Variants in DIP2A observed in about 807,000 individuals in gnomAD.
DIP2A encodes the protein DIP2 acetate--CoA ligase A, also known as disco-interacting protein 2 homolog A.
In DIP2A, 85 loss-of-function variants were observed where a neutral mutation model predicts 177.4. That is an observed-to-expected ratio of 0.48 (90% CI 0.40 to 0.57). The LOEUF is 0.57. Ranked by LOEUF, DIP2A falls within the 20% of genes least tolerant of loss-of-function variation. The probability of loss-of-function intolerance (pLI) is 0.00; values close to 1 mark genes in which losing one functional copy is unlikely to be tolerated. For synonymous variants in DIP2A, 886 were observed against 881.8 expected (o/e 1.00, Z -0.08); for missense variants, 1,791 against 2,100.2 (o/e 0.85, Z 2.88).
rs1297774140 is a variant in DIP2A at position 46,459,089 on chromosome 21, C to T, written c.-43C>T. The T allele has an allele frequency of 2.1e-6, 3 of 1,407,242 alleles. No individual in the cohort carries two copies. The South Asian group carries it at 4.5e-5, about 21-fold the overall frequency. 87.2% of individuals were successfully genotyped at this position (1,407,242 alleles called of 1,614,324 possible). A position where few individuals can be genotyped will look rare whatever the true frequency, so the allele number is the denominator to read the frequency against. On this transcript the variant is annotated 5_prime_UTR_variant, in exon 1 of 38. Transcript: ENST00000417564. Reference sequence around the variant, plus strand: ...AGGTTTGCGCTGCCGCCGCCAGGCCCGGTCCGGTTCCAGCCTCTGCCCGGA... The same window carrying T: ...AGGTTTGCGCTGCCGCCGCCAGGCCTGGTCCGGTTCCAGCCTCTGCCCGGA...
intron 35 of DIP2A, among the ~76,000 whole-genome samples, 168 bp from the exon 36 acceptor site, chr21:46,565,545 G>C (rs1047341538): frequency 2.0e-5 from 3 of 152,220 alleles, no homozygotes; most frequent in African/African-American, 7.2e-5. Context: ...TTTGCTTTCT[G>C]TGCCTGTAAT....
Position 46,554,706 on chromosome 21 carries a change from C to T in DIP2A, c.3276+10C>T, listed in dbSNP as rs1326965471. The stretch of plus-strand genomic sequence containing the variant: ...CAAGATGATCGTGGAGGTGCGCCTA[C>T]CTGGCCCGCGGGTCAGAGTCTGTGA... On this transcript the variant is annotated intron_variant, in intron 27 of 37. Transcript: ENST00000417564. 14 of 1,560,220 alleles carry T rather than the reference C, an allele frequency of 9.0e-6. No homozygotes were observed. The highest frequency in any genetic ancestry group is 1.2e-5 in the Non-Finnish European group (14 of 1,153,144).
At position 46,498,176 on chromosome 21, in the gene DIP2A, A is replaced by G. The variant is rs2057457668; in HGVS notation, c.404-406A>G. ...CTGCCTCCAAGATGTAGGGCCGGGCACAGGCTCTCCCCTGGGTGATGCTGA... is the reference window on the plus strand; with the variant it reads ...CTGCCTCCAAGATGTAGGGCCGGGCGCAGGCTCTCCCCTGGGTGATGCTGA... On this transcript the variant is annotated intron_variant, in intron 4 of 37. Coordinates refer to ENST00000417564, the MANE Select transcript of DIP2A (RefSeq NM_015151.4). The surrounding 1 kb of genome is among the most constrained non-coding windows in gnomAD (Gnocchi z 4.3). Among the ~76,000 whole-genome samples, 1 of 152,200 alleles carries G rather than the reference A, an allele frequency of 6.6e-6. No individual in the cohort carries two copies.
intron 8 of DIP2A, among the ~76,000 whole-genome samples, chr21:46,519,332 T>G (rs1028299741): frequency 6.6e-6 from 1 of 152,218 alleles, no homozygotes; most frequent in Non-Finnish European, 1.5e-5. Flanking sequence ...AATGCCTAAC[T>G]TCTGGGGGTG....
chr21:46,571,022 A>T (rs183522205), downstream of DIP2A, among the ~76,000 whole-genome samples: 28 of 152,350 alleles, frequency 1.8e-4, no homozygotes, highest in African/African-American at 6.5e-4. Flanking sequence ...CCTGGGCCAC[A>T]GACTGTTAAC....
intron 8 of DIP2A, among the ~76,000 whole-genome samples, chr21:46,516,120 C>G (rs980573249): frequency 6.6e-6 from 1 of 152,018 alleles, no homozygotes; most frequent in Non-Finnish European, 1.5e-5. Flanking sequence ...TGTGTATGGC[C>G]GCTTAAAAAG....
intron 36 of DIP2A, among the ~76,000 whole-genome samples, 178 bp from the exon 37 acceptor site, chr21:46,566,382 T>G (rs2060838116): frequency 6.6e-6 from 1 of 152,180 alleles, no homozygotes; most frequent in African/African-American, 2.4e-5. Context: ...GCTGCAGAGA[T>G]AACAGCCTGC....
Position 46,498,602 on chromosome 21 carries a change from G to C in DIP2A, c.424G>C (p.Asp142His). 1.2e-6 allele frequency: 2 copies of C among 1,610,826 alleles called. No homozygotes were observed. Among genetic ancestry groups the C allele is most frequent in the Non-Finnish European group, 1.7e-6 (2 of 1,177,912 alleles). ...TPPDTSSASE[D>H]EGSLRRPGRL... The stretch of plus-strand genomic sequence containing the variant: ...CACAGACACGTCGTCTGCCTCAGAA[G>C]ATGAGGGCTCTTTACGGCGACCCGG... Residue 142 changes from aspartate (D) to histidine (H), a missense_variant, in exon 5 of 38, where the codon GAT (aspartate) becomes CAT (histidine). Transcript: ENST00000417564. This position sits in a 1 kb window ranked among gnomAD's most constrained non-coding sequence, Gnocchi z 4.3.
At chr21:46,491,697 CAT>C (rs896868597) in intron 3 of DIP2A, among the ~76,000 whole-genome samples, 3 of 152,200 alleles carry the variant, frequency 2.0e-5, no homozygotes, top group East Asian at 1.9e-4. Flanking sequence ...TGCACGCACA[CAT>C]GTGTACTTTC....
Position 46,564,484 on chromosome 21 carries a change from G to A in DIP2A, c.4164+552G>A, listed in dbSNP as rs139608596. Among the ~76,000 whole-genome samples the A allele has an allele frequency of 1.2e-4, 19 of 152,336 alleles. No individual in the cohort carries two copies. In the East Asian group the frequency reaches 2.7e-3, roughly 22 times the overall value. ...TCTACATGTATTGCACGTACATCTT[G>A]CTGTAATTTGGGACAGGCATGACTC... On this transcript the variant is annotated intron_variant, in intron 35 of 37. Coordinates refer to ENST00000417564, the MANE Select transcript of DIP2A (RefSeq NM_015151.4).
chr21:46,551,750 G>A lies in DIP2A; in HGVS notation c.2949+7G>A, dbSNP rs374330643. 11 of 1,613,814 alleles carry A rather than the reference G, an allele frequency of 6.8e-6. No individual in the cohort carries two copies. Among genetic ancestry groups the A allele is most frequent in the Non-Finnish European group, 9.3e-6 (11 of 1,179,874 alleles). ...CAGCGACCAGGCACGGAAGGTGACA[G>A]GCCAGTTCCGGGGACGGGTGGACGG... On this transcript the variant is annotated splice_region_variant and intron_variant, in intron 24 of 37. Transcript: ENST00000417564.
At chr21:46,469,469 C>G (rs2055161804) in intron 1 of DIP2A, among the ~76,000 whole-genome samples, 1 of 152,232 alleles carries the variant, frequency 6.6e-6, no homozygotes. Context: ...TGCTCCTGTC[C>G]TCCTGTAGGA....
chr21:46,514,966 A>G (rs930557926), intron 8 of DIP2A, among the ~76,000 whole-genome samples: 3 of 152,232 alleles, frequency 2.0e-5, no homozygotes, highest in Non-Finnish European at 4.4e-5. Context: ...AATGTAAAGC[A>G]GCCGTTCATT....
the DIP2A span, among the ~76,000 whole-genome samples, chr21:46,577,248 G>T: frequency 6.6e-6 from 1 of 152,126 alleles, no homozygotes; most frequent in Non-Finnish European, 1.5e-5. Flanking sequence ...TTCTTCTAGG[G>T]TTTTTATAGT....
chr21:46,527,333 T>TTTC (rs543789733), intron 8 of DIP2A, among the ~76,000 whole-genome samples: 1 of 145,618 alleles, frequency 6.9e-6, no homozygotes, highest in Non-Finnish European at 1.5e-5. Flanking sequence ...AGGTTTTTTT[T>TTTC]TTTTTTTTTT....
chr21:46,488,959 A>G (rs1480821614), intron 2 of DIP2A, among the ~76,000 whole-genome samples: 5 of 152,232 alleles, frequency 3.3e-5, no homozygotes, highest in Non-Finnish European at 7.3e-5. Context: ...TTTATCATCC[A>G]TAAGGTGTAA....
chr21:46,551,513 C>T, intron 23 of DIP2A, 121 bp from the exon 24 acceptor site: 1 of 802,658 alleles, frequency 1.2e-6, no homozygotes, highest in Non-Finnish European at 2.0e-6. Flanking sequence ...ATTTGTATCT[C>T]AGTAGAAGAG....
At chr21:46,493,986 T>C (rs2057166823) in intron 3 of DIP2A, among the ~76,000 whole-genome samples, 2 of 152,238 alleles carry the variant, frequency 1.3e-5, no homozygotes, top group South Asian at 4.1e-4. Flanking sequence ...TCGGATATGT[T>C]ATTTCATTTA....
intron 1 of DIP2A, among the ~76,000 whole-genome samples, chr21:46,470,346 T>C (rs2055240628): frequency 6.6e-6 from 1 of 151,910 alleles, no homozygotes; most frequent in Non-Finnish European, 1.5e-5. Flanking sequence ...TGGTGGCACA[T>C]GCCTGTAATC....
Sources: gnomAD v4.1 joint callset for allele counts (sites outside exome capture counted in the v4.1 genomes callset) on GRCh38, gnomAD v4.1.1 for gene constraint, Gnocchi (gnomAD v3.1) non-coding constraint, MANE v1.5 for transcripts, NCBI Gene and HGNC (gene_info 2026-07-23, HGNC 2026-07-21) for gene names.